TBC1D14: variants seen among roughly 807,000 people sequenced by gnomAD.
TBC1D14 encodes the protein TBC1 domain family, member 14.
TBC1D14 carries 26 observed loss-of-function variants against 79.0 expected under a neutral mutation model. The observed-to-expected ratio is 0.33, with a 90% CI of 0.24 to 0.46. TBC1D14 has a LOEUF of 0.46. Among genes scored for constraint, TBC1D14 ranks in the 20% least tolerant of loss-of-function variants. The pLI, the probability that TBC1D14 is intolerant of heterozygous loss-of-function variation, is 1.00. For missense variants in TBC1D14, 769 were observed against 887.6 expected, an observed-to-expected ratio of 0.87 and a Z score of 1.70; for synonymous variants, 394 against 349.9, an observed-to-expected ratio of 1.13 and a Z score of -1.40.
At chr4:7,016,455 G>A (rs747278964) in intron 12 of TBC1D14, among the ~76,000 whole-genome samples, 31 of 152,230 alleles carry the variant, frequency 2.0e-4, no homozygotes, top group Non-Finnish European at 7.3e-5. Context: ...TGGGGCCCGC[G>A]GTGCTGGAGG....
At chr4:6,983,098 C>T (rs542046088) in intron 3 of TBC1D14, among the ~76,000 whole-genome samples, 31 of 152,202 alleles carry the variant, frequency 2.0e-4, no homozygotes, top group Non-Finnish European at 4.1e-4. Context: ...TCTCGCCTCA[C>T]TGCAACCTCT....
chr4:6,980,976 A>G (rs1717317973), intron 3 of TBC1D14, among the ~76,000 whole-genome samples: 1 of 151,248 alleles, frequency 6.6e-6, no homozygotes, highest in African/African-American at 2.4e-5. Context: ...TGGCCTCCCA[A>G]AGTGCTGGGA....
intron 2 of TBC1D14, among the ~76,000 whole-genome samples, chr4:6,954,564 C>T (rs1714447688): frequency 6.6e-6 from 1 of 151,930 alleles, no homozygotes; most frequent in South Asian, 2.1e-4. Flanking sequence ...ATGTGTATCT[C>T]ATGCCCACTG....
intron 2 of TBC1D14, among the ~76,000 whole-genome samples, chr4:6,962,983 G>T (rs1715365754): frequency 1.3e-5 from 2 of 152,218 alleles, no homozygotes; most frequent in Admixed American, 1.3e-4. Context: ...GGATGCAGAG[G>T]TGACTCTACC....
chr4:7,013,377 G>A (rs139957525), intron 11 of TBC1D14, among the ~76,000 whole-genome samples: 105 of 152,294 alleles, frequency 6.9e-4, no homozygotes, highest in Non-Finnish European at 1.3e-3. Flanking sequence ...CCCCTCCTTC[G>A]GATGCACAGA....
At chr4:6,916,459 C>CT (rs1723410502) in intron 1 of TBC1D14, among the ~76,000 whole-genome samples, 1 of 152,184 alleles carries the variant, frequency 6.6e-6, no homozygotes, top group Non-Finnish European at 1.5e-5. Context: ...TAAACAGTTT[C>CT]TTTTATGTAT....
intron 4 of TBC1D14, 105 bp from the exon 5 acceptor site, chr4:6,996,220 T>C (rs1305621415): frequency 2.3e-6 from 2 of 859,922 alleles, no homozygotes; most frequent in Non-Finnish European, 1.9e-6. Flanking sequence ...AATGAGTTTT[T>C]AGTGTTTGAG....
chr4:6,923,843 G>A lies in TBC1D14; in HGVS notation c.454G>A (p.Asp152Asn), dbSNP rs781203992. The A allele has an allele frequency of 5.6e-6, 9 of 1,614,056 alleles. No individual in the cohort carries two copies. The highest frequency in any genetic ancestry group is 1.6e-4 in the Middle Eastern group (1 of 6,084). ...SPTSKALTRS[D>N]DVSVCSVSSL... The stretch of plus-strand genomic sequence containing the variant: ...GACCTCCAAAGCCCTGACCCGCAGC[G>A]ATGATGTCTCCGTCTGCAGCGTGTC... Residue 152 changes from aspartate (D) to asparagine (N), a missense_variant, in exon 2 of 14, where the codon GAT becomes AAT. By Grantham distance (23) the Asp-to-Asn change is conservative. Coordinates refer to ENST00000409757, the MANE Select transcript of TBC1D14 (RefSeq NM_020773.3).
chr4:6,916,155 C>G (rs545778575), intron 1 of TBC1D14, among the ~76,000 whole-genome samples: 5 of 148,266 alleles, frequency 3.4e-5, no homozygotes. Flanking sequence ...GGATAAGAAT[C>G]CGGAAGTCAG....
At position 7,032,735 on chromosome 4, in the gene TBC1D14, T is replaced by TA. The variant is rs1370229461; in HGVS notation, c.*2346dup. ...AGGCTGCCTCTGTGTGTGGTTTAAGTAAACTGGAAATGAGACATTGACGTG... is the reference window on the plus strand; with the variant it reads ...AGGCTGCCTCTGTGTGTGGTTTAAGTAAAACTGGAAATGAGACATTGACGTG... On this transcript the variant is annotated 3_prime_UTR_variant, in exon 14 of 14. Coordinates refer to ENST00000409757, the MANE Select transcript of TBC1D14 (RefSeq NM_020773.3). 6.6e-6 allele frequency: 1 copy of TA among 151,740 alleles called. No individual in the cohort carries two copies. Among genetic ancestry groups the TA allele is most frequent in the Non-Finnish European group, 1.5e-5 (1 of 67,900 alleles). 9.4% of individuals were successfully genotyped at this position (151,740 alleles called of 1,614,324 possible).
At chr4:6,945,547 G>A (rs989666358) in intron 2 of TBC1D14, among the ~76,000 whole-genome samples, 6 of 152,052 alleles carry the variant, frequency 3.9e-5, no homozygotes, top group African/African-American at 1.4e-4. Context: ...TTTGGAGTTC[G>A]AGACCAGCCT....
intron 1 of TBC1D14, among the ~76,000 whole-genome samples, chr4:6,922,715 A>C (rs560462415): frequency 6.6e-6 from 1 of 152,098 alleles, no homozygotes; most frequent in Non-Finnish European, 1.5e-5. Flanking sequence ...CTTTTGACAG[A>C]TTATCATTTC....
intron 11 of TBC1D14, among the ~76,000 whole-genome samples, chr4:7,014,028 C>T (rs1560350971): frequency 6.6e-6 from 1 of 152,228 alleles, no homozygotes; most frequent in Non-Finnish European, 1.5e-5. Context: ...GGATTACAGG[C>T]GTGAGCCACC....
chr4:6,989,405 C>G (rs1718254135), intron 3 of TBC1D14, among the ~76,000 whole-genome samples: 1 of 152,212 alleles, frequency 6.6e-6, no homozygotes, highest in South Asian at 2.1e-4. Flanking sequence ...GTGGGTGTCT[C>G]TTGGCCACTG....
Position 6,923,760 on chromosome 4 carries a change from T to C in TBC1D14, c.371T>C (p.Val124Ala). The C allele has an allele frequency of 6.2e-7, 1 of 1,614,020 alleles. No individual in the cohort carries two copies. Among genetic ancestry groups the C allele is most frequent in the South Asian group, 1.1e-5 (1 of 91,084 alleles). The change falls in exon 2 of 14, where the codon GTG becomes GCG. Residue 124 changes from valine (V) to alanine (A), a missense_variant. Coordinates refer to ENST00000409757, the MANE Select transcript of TBC1D14 (RefSeq NM_020773.3). Reference protein sequence around the residue: ...APSSTEREQSVRKSSTFPRTG... With the variant: ...APSSTEREQSARKSSTFPRTG... ...AGCAGCACCGAGCGGGAACAGAGCG[T>C]GCGCAAATCCTCCACGTTTCCCAGG...
In TBC1D14 at chr4:7,030,475, G is replaced by A; in HGVS notation, c.*83G>A. 1 of 1,432,342 alleles carries A rather than the reference G, an allele frequency of 7.0e-7. No homozygotes were observed. Among genetic ancestry groups the A allele is most frequent in the Non-Finnish European group, 9.8e-7 (1 of 1,022,676 alleles). 88.7% of individuals were successfully genotyped at this position (1,432,342 alleles called of 1,614,324 possible). A position where few individuals can be genotyped will look rare whatever the true frequency, so the allele number is the denominator to read the frequency against. On this transcript the variant is annotated 3_prime_UTR_variant, in exon 14 of 14. Transcript: ENST00000409757. Reference sequence around the variant, plus strand: ...GTTGTTTCAGACTGACACCCGGGCAGCCGAGAAGAACAGACGCTCTTTAAG... The same window carrying A: ...GTTGTTTCAGACTGACACCCGGGCAACCGAGAAGAACAGACGCTCTTTAAG...
chr4:6,937,611 C>T (rs544509600), intron 2 of TBC1D14, among the ~76,000 whole-genome samples: 2 of 152,272 alleles, frequency 1.3e-5, no homozygotes, highest in East Asian at 3.9e-4. Flanking sequence ...AAGGGCCCTG[C>T]CAGGTGATCA....
At chr4:6,939,558 G>A (rs776559405) in intron 2 of TBC1D14, among the ~76,000 whole-genome samples, 1 of 152,116 alleles carries the variant, frequency 6.6e-6, no homozygotes, top group Non-Finnish European at 1.5e-5. Flanking sequence ...CCGAGGACCC[G>A]GTCCTGGGGA....
At chr4:6,986,561 G>A (rs1402494248) in intron 3 of TBC1D14, among the ~76,000 whole-genome samples, 3 of 152,150 alleles carry the variant, frequency 2.0e-5, no homozygotes, top group African/African-American at 7.2e-5. Flanking sequence ...TCTGCGGGGG[G>A]AGCCTTGGGC....
Sources: allele counts gnomAD v4.1 joint callset (sites outside exome capture counted in the v4.1 genomes callset), GRCh38; gene constraint gnomAD v4.1.1; transcripts MANE v1.5; gene names NCBI Gene and HGNC (gene_info 2026-07-23, HGNC 2026-07-21).